Variants in ACYP2 observed in about 807,000 individuals in gnomAD.
ACYP2 encodes acylphosphatase-2.
A neutral mutation model predicts 11.2 loss-of-function variants in ACYP2; 12 were observed. The observed-to-expected ratio is 1.08, with a 90% CI of 0.69 to 1.74. ACYP2 has a LOEUF of 1.74. Among genes scored for constraint, ACYP2 ranks in the 40% most tolerant of loss-of-function variants. ACYP2 has a pLI of 0.00. For synonymous variants in ACYP2, 43 were observed against 32.2 expected (o/e 1.33, Z -1.13); for missense variants, 134 against 101.9 (o/e 1.31, Z -1.35).
chr2:54,063,895 G>C (rs144503606), intron 4 of ACYP2, among the ~76,000 whole-genome samples: 576 of 152,334 alleles, frequency 3.8e-3, no homozygotes, highest in Middle Eastern at 0.02. Context: ...CTCTTCAGGG[G>C]AAATATTTGA....
chr2:54,164,046 T>C (rs1218074018), intron 6 of ACYP2, among the ~76,000 whole-genome samples: 2 of 152,102 alleles, frequency 1.3e-5, no homozygotes, highest in Admixed American at 1.3e-4. Flanking sequence ...TTCTGTCAAA[T>C]GGTAAAGAAG....
chr2:54,202,663 C>A (rs903418290), intron 6 of ACYP2, among the ~76,000 whole-genome samples: 1 of 143,986 alleles, frequency 6.9e-6, no homozygotes, highest in South Asian at 2.2e-4. Flanking sequence ...CTGCCTCAGT[C>A]TCCCAAAGTG....
intron 4 of ACYP2, among the ~76,000 whole-genome samples, chr2:54,063,102 A>C (rs1420464090): frequency 6.6e-6 from 1 of 152,070 alleles, no homozygotes; most frequent in Non-Finnish European, 1.5e-5. Flanking sequence ...AGGAAATTAC[A>C]ATCCAGTGGG....
rs539265384 is a variant in ACYP2, at chr2:54,067,980, G to A, written c.277+10620G>A. Among the ~76,000 whole-genome samples the A allele has an allele frequency of 2.6e-5, 4 of 152,184 alleles. No individual in the cohort carries two copies. The East Asian group carries it at 7.7e-4, about 29-fold the overall frequency. On this transcript the variant is annotated intron_variant, in intron 4 of 6. Coordinates refer to ENST00000607452, the MANE Select transcript of ACYP2 (RefSeq NM_001320586.2). Reference sequence around the variant, plus strand: ...AGATTTAAGCAAAACATTGAGGGAAGGAGAATGAACACACATTGTTTAATG... The same window carrying A: ...AGATTTAAGCAAAACATTGAGGGAAAGAGAATGAACACACATTGTTTAATG...
At chr2:54,303,643 T>C (rs1005849984) in intron 6 of ACYP2, among the ~76,000 whole-genome samples, 2 of 152,230 alleles carry the variant, frequency 1.3e-5, no homozygotes, top group African/African-American at 4.8e-5. Flanking sequence ...ATTTGAATCA[T>C]TGGAATTCTT....
At chr2:54,173,137 G>A (rs923688895) in intron 6 of ACYP2, among the ~76,000 whole-genome samples, 1 of 152,204 alleles carries the variant, frequency 6.6e-6, no homozygotes, top group Non-Finnish European at 1.5e-5. Context: ...CTTCCACAAT[G>A]GTTGAACTAA....
intron 6 of ACYP2, among the ~76,000 whole-genome samples, chr2:54,300,461 C>T (rs1014375976): frequency 6.6e-6 from 1 of 152,228 alleles, no homozygotes; most frequent in Non-Finnish European, 1.5e-5. Context: ...TCTCCTCTAA[C>T]AACTGGGTTA....
At chr2:53,995,147 C>CTA (rs767851150) in intron 2 of ACYP2, among the ~76,000 whole-genome samples, 144 of 152,346 alleles carry the variant, frequency 9.5e-4, no homozygotes, top group Non-Finnish European at 1.6e-3. Flanking sequence ...ACTCTAGCTG[C>CTA]AGCTCTTCTC....
chr2:54,022,613 C>G (rs1442449451), intron 2 of ACYP2, among the ~76,000 whole-genome samples: 2 of 152,082 alleles, frequency 1.3e-5, no homozygotes, highest in Non-Finnish European at 2.9e-5. Context: ...TTTCTGACCT[C>G]AAGCAACCCT....
chr2:54,005,919 A>G (rs1164506247), intron 2 of ACYP2, among the ~76,000 whole-genome samples: 1 of 152,216 alleles, frequency 6.6e-6, no homozygotes, highest in African/African-American at 2.4e-5. Flanking sequence ...AGTTGGAAAG[A>G]ACTGACATCC....
At chr2:54,261,925 C>T (rs145964421) in intron 6 of ACYP2, among the ~76,000 whole-genome samples, 6 of 152,326 alleles carry the variant, frequency 3.9e-5, no homozygotes, top group African/African-American at 1.2e-4. Context: ...AGTAGCTTTA[C>T]AGCTGCAGTC....
At chr2:53,999,035 C>T (rs1672690935) in intron 2 of ACYP2, among the ~76,000 whole-genome samples, 1 of 152,012 alleles carries the variant, frequency 6.6e-6, no homozygotes, top group South Asian at 2.1e-4. Context: ...CATGGCCATG[C>T]TTAATTGTTG....
intron 4 of ACYP2, among the ~76,000 whole-genome samples, chr2:54,091,491 T>G (rs1678229015): frequency 7.6e-6 from 1 of 131,434 alleles, no homozygotes; most frequent in African/African-American, 3.9e-5. Flanking sequence ...TCTCTTGATT[T>G]TATTTATTTA....
chr2:54,197,453 T>C (rs1209154041), intron 6 of ACYP2, among the ~76,000 whole-genome samples: 1 of 152,154 alleles, frequency 6.6e-6, no homozygotes, highest in Non-Finnish European at 1.5e-5. Context: ...GATCCAGCTT[T>C]TGAGGAGCTT....
At chr2:54,177,827 C>T (rs1022910538) in intron 6 of ACYP2, among the ~76,000 whole-genome samples, 1 of 150,272 alleles carries the variant, frequency 6.7e-6, no homozygotes, top group Non-Finnish European at 1.5e-5. Context: ...GATTCGCCCC[C>T]ACTCGGCCTC....
chr2:54,184,751 T>C (rs1203653994), intron 6 of ACYP2, among the ~76,000 whole-genome samples: 2 of 152,284 alleles, frequency 1.3e-5, no homozygotes, highest in East Asian at 3.9e-4. Context: ...AGCAGAAAAC[T>C]TGAATAAATG....
chr2:54,038,673 CTATATATATATATATATATATATA>C (rs56817782), intron 2 of ACYP2, among the ~76,000 whole-genome samples: 31 of 106,104 alleles, frequency 2.9e-4, no homozygotes, highest in African/African-American at 6.0e-4. Context: ...TTATTGAATA[CTATATATATATATATATATATATA>C]TATATATATA....
intron 4 of ACYP2, among the ~76,000 whole-genome samples, chr2:54,095,508 G>C (rs1300874017): frequency 6.9e-6 from 1 of 144,416 alleles, no homozygotes; most frequent in Non-Finnish European, 1.5e-5. Context: ...CTGGCTGGGC[G>C]GGGGGCTGAC....
At chr2:54,030,381 C>A (rs578129785) in intron 2 of ACYP2, among the ~76,000 whole-genome samples, 21 of 152,318 alleles carry the variant, frequency 1.4e-4, no homozygotes, top group Admixed American at 1.1e-3. Flanking sequence ...TAGGGAGAAG[C>A]CCATGCAAGG....
Sources: allele counts gnomAD v4.1 joint callset (sites outside exome capture counted in the v4.1 genomes callset), GRCh38; gene constraint gnomAD v4.1.1; transcripts MANE v1.5; gene names NCBI Gene and HGNC (gene_info 2026-07-23, HGNC 2026-07-21).